The following MEIOSIN variants were observed in gnomAD, a reference collection of about 807,000 sequenced individuals.
MEIOSIN encodes meiosis initiator protein.
MEIOSIN carries 18 observed loss-of-function variants against 23.4 expected under a neutral mutation model. That is an observed-to-expected ratio of 0.77 (90% CI 0.53 to 1.14). MEIOSIN has a LOEUF of 1.14. MEIOSIN is among the 50% of genes most tolerant of loss of function. MEIOSIN has a pLI of 0.00. For missense variants in MEIOSIN, 428 were observed against 242.9 expected, an observed-to-expected ratio of 1.76 and a Z score of -5.07; for synonymous variants, 187 against 100.6, an observed-to-expected ratio of 1.86 and a Z score of -5.14.
chr19:45,763,857 A>G (rs1340871289), intron 14 of MEIOSIN, 114 bp from the exon 15 acceptor site: 1 of 397,636 alleles, frequency 2.5e-6, no homozygotes, highest in Non-Finnish European at 4.4e-6. Flanking sequence ...AGGCTCGCCC[A>G]ATAGAGGCTA....
At chr19:45,738,847 G>C (rs572282198) in intron 2 of MEIOSIN, among the ~76,000 whole-genome samples, 2 of 152,296 alleles carry the variant, frequency 1.3e-5, no homozygotes, top group East Asian at 3.9e-4. Context: ...CTATCCTGCT[G>C]CCCATTCCTC....
At chr19:45,751,308 T>TAAA (rs1720958581) in intron 5 of MEIOSIN, among the ~76,000 whole-genome samples, 1 of 145,966 alleles carries the variant, frequency 6.9e-6, no homozygotes, top group South Asian at 2.1e-4. Context: ...ATAATAATAA[T>TAAA]AATATATACA....
chr19:45,742,156 G>A (rs181213071), intron 3 of MEIOSIN, among the ~76,000 whole-genome samples: 136 of 151,980 alleles, frequency 8.9e-4, no homozygotes, highest in African/African-American at 2.6e-3. Flanking sequence ...GATTACAGGC[G>A]TGAGCCACCA....
intron 11 of MEIOSIN, among the ~76,000 whole-genome samples, chr19:45,761,337 G>A (rs547444196): frequency 2.6e-5 from 4 of 151,186 alleles, no homozygotes; most frequent in Non-Finnish European, 5.9e-5. Context: ...GGCCAGGCTG[G>A]TTTTGAACTC....
intron 9 of MEIOSIN, 110 bp downstream of exon 9, chr19:45,757,387 C>T: frequency 1.6e-6 from 1 of 615,618 alleles, no homozygotes; most frequent in Non-Finnish European, 3.0e-6. Flanking sequence ...TGGAGATCCC[C>T]TAAGCACAGG....
Position 45,764,307 on chromosome 19 carries a change from C to T in MEIOSIN, c.*189C>T. 1 of 395,370 alleles carries T rather than the reference C, an allele frequency of 2.5e-6. No individual in the cohort carries two copies. The highest frequency in any genetic ancestry group is 4.5e-6 in the Non-Finnish European group (1 of 224,406). The allele number at this position is 395,370 out of a possible 1,614,324, so 24.5% of individuals were successfully genotyped here. ...GCACATTTGCCTGGAGCACCAGAGT[C>T]ACCCACAGCTGCCTTGATTCTCCCC... On this transcript the variant is annotated 3_prime_UTR_variant, in exon 15 of 15. Transcript: ENST00000457052.
At chr19:45,759,882 A>T (rs929909863) in intron 11 of MEIOSIN, among the ~76,000 whole-genome samples, 2 of 151,500 alleles carry the variant, frequency 1.3e-5, no homozygotes, top group South Asian at 2.1e-4. Flanking sequence ...GCTCACTGTA[A>T]CCTCCGCCTC....
In MEIOSIN at chr19:45,739,660, G is replaced by A; in HGVS notation, c.106G>A (p.Asp36Asn). 1.4e-6 allele frequency: 1 copy of A among 703,348 alleles called. No individual in the cohort carries two copies. Among genetic ancestry groups the A allele is most frequent in the Non-Finnish European group, 2.6e-6 (1 of 385,080 alleles). 43.6% of individuals were successfully genotyped at this position (703,348 alleles called of 1,614,324 possible). ...TTTGTGCTCCCTAGTGGAAGGGGAA[G>A]ATAAGGTCAACCCCTCCGAACCACA... ...LVLCSLVEGE[D>N]KVNPSEPHGL... is the part of the protein sequence containing the mutation. Residue 36 changes from aspartate to asparagine, a missense_variant, in exon 3 of 15, where the codon GAT becomes AAT. Asp to Asn is a conservative substitution (Grantham distance 23, BLOSUM62 1). Transcript: ENST00000457052.
At chr19:45,741,251 G>A (rs1306120299) in intron 3 of MEIOSIN, among the ~76,000 whole-genome samples, 2 of 151,988 alleles carry the variant, frequency 1.3e-5, no homozygotes, top group African/African-American at 2.4e-5. Flanking sequence ...GGTTGCTGAT[G>A]CAGAAGAATC....
chr19:45,763,179 C>A (rs958854475), intron 13 of MEIOSIN, among the ~76,000 whole-genome samples, 159 bp from the exon 14 acceptor site: 1 of 152,196 alleles, frequency 6.6e-6, no homozygotes, highest in Non-Finnish European at 1.5e-5. Context: ...ACACCAGGTG[C>A]CCCCTTGTGA....
intron 11 of MEIOSIN, among the ~76,000 whole-genome samples, chr19:45,761,391 A>G (rs1428780079): frequency 1.4e-5 from 2 of 140,632 alleles, no homozygotes. Context: ...GAAAGTGCTG[A>G]GATTACAGGC....
intron 11 of MEIOSIN, among the ~76,000 whole-genome samples, chr19:45,760,477 G>A (rs7251319): frequency 0.86 from 131,302 of 152,048 alleles, 56,973 homozygotes; most frequent in African/African-American, 0.95. Flanking sequence ...GTGGTGGTAC[G>A]TGCCTGTAAT....
chr19:45,745,147 T>A (rs2146180858), intron 3 of MEIOSIN, 45 bp from the exon 4 acceptor site: 5 of 702,256 alleles, frequency 7.1e-6, no homozygotes, highest in Middle Eastern at 2.3e-4. Flanking sequence ...GATGTGGAAT[T>A]CGTTTTGGAT....
chr19:45,742,595 C>T (rs1372320199), intron 3 of MEIOSIN, among the ~76,000 whole-genome samples: 5 of 151,906 alleles, frequency 3.3e-5, no homozygotes, highest in African/African-American at 9.7e-5. Flanking sequence ...CTGGCTAACA[C>T]GATGAAACCC....
At chr19:45,734,980 G>GCCTCC (rs1968387385) in intron 1 of MEIOSIN, among the ~76,000 whole-genome samples, 1 of 151,744 alleles carries the variant, frequency 6.6e-6, no homozygotes, top group South Asian at 2.1e-4. Flanking sequence ...TGCAACCTCC[G>GCCTCC]CCTCCCAGGT....
In MEIOSIN at chr19:45,762,190, A is replaced by T. The variant is rs1968959308; in HGVS notation, c.1679+7A>T. On this transcript the variant is annotated splice_region_variant and intron_variant, in intron 13 of 14. Transcript: ENST00000457052. ...ACCGGAAGCAGTACATCCGGTGGGTAGGGGGTCGTCTTTGGCCCTGGGGAA... is the reference window on the plus strand; with the variant it reads ...ACCGGAAGCAGTACATCCGGTGGGTTGGGGGTCGTCTTTGGCCCTGGGGAA... 2 of 405,304 alleles carry T rather than the reference A, an allele frequency of 4.9e-6. No individual in the cohort carries two copies. Among genetic ancestry groups the T allele is most frequent in the Non-Finnish European group, 8.7e-6 (2 of 230,224 alleles). The allele number at this position is 405,304 out of a possible 1,614,324, so 25.1% of individuals were successfully genotyped here.
At chr19:45,739,186 C>T (rs1217860260) in intron 2 of MEIOSIN, among the ~76,000 whole-genome samples, 2 of 152,064 alleles carry the variant, frequency 1.3e-5, no homozygotes, top group Non-Finnish European at 2.9e-5. Flanking sequence ...TGGAGTCTTG[C>T]TCTGTCACCC....
chr19:45,763,686 G>A (rs186290449), intron 14 of MEIOSIN, among the ~76,000 whole-genome samples: 3 of 152,080 alleles, frequency 2.0e-5, no homozygotes, highest in Non-Finnish European at 2.9e-5. Flanking sequence ...CGACTTTCTC[G>A]GGGCGTGGTC....
At chr19:45,759,643 C>A (rs1300292047) in intron 11 of MEIOSIN, among the ~76,000 whole-genome samples, 153 bp downstream of exon 11, 1 of 152,104 alleles carries the variant, frequency 6.6e-6, no homozygotes, top group Non-Finnish European at 1.5e-5. Context: ...TCCTTAAAAC[C>A]GCCCCCCGAC....
Sources: gnomAD v4.1 joint callset for allele counts (sites outside exome capture counted in the v4.1 genomes callset) on GRCh38, gnomAD v4.1.1 for gene constraint, MANE v1.5 for transcripts, NCBI Gene and HGNC (gene_info 2026-07-23, HGNC 2026-07-21) for gene names.